JPH2: variants seen among roughly 807,000 people sequenced by gnomAD.
JPH2 encodes junctophilin-2.
JPH2 carries 38 observed loss-of-function variants against 55.9 expected under a neutral mutation model. That is an observed-to-expected ratio of 0.68 (90% CI 0.52 to 0.89). The LOEUF (loss-of-function observed/expected upper bound fraction) is 0.89. Ranked by LOEUF, JPH2 falls within the 40% of genes least tolerant of loss-of-function variation. JPH2 has a pLI of 0.00. For synonymous variants in JPH2, 480 were observed against 472.4 expected (o/e 1.02, Z -0.21); for missense variants, 964 against 1,037.6 (o/e 0.93, Z 0.97).
intron 1 of JPH2, among the ~76,000 whole-genome samples, chr20:44,162,452 T>C (rs2072617786): frequency 6.6e-6 from 1 of 152,104 alleles, no homozygotes; most frequent in East Asian, 1.9e-4. Context: ...CCAAAGGAGA[T>C]TAACATTTGA....
At chr20:44,131,197 T>C (rs2072316125) in intron 2 of JPH2, among the ~76,000 whole-genome samples, 1 of 152,232 alleles carries the variant, frequency 6.6e-6, no homozygotes, top group African/African-American at 2.4e-5. Flanking sequence ...GTGACTTCTC[T>C]CTTGCCACCA....
intron 2 of JPH2, among the ~76,000 whole-genome samples, chr20:44,134,467 T>A (rs867595191): frequency 2.6e-3 from 5 of 1,902 alleles, no homozygotes; most frequent in East Asian, 0.056. Context: ...TATAAATATA[T>A]ATAAATATAT....
rs372615254 is a variant in JPH2 at position 44,136,604 on chromosome 20, C to T, written c.1170-17981G>A. On this transcript the variant is annotated intron_variant, in intron 2 of 5. Coordinates refer to ENST00000372980, the MANE Select transcript of JPH2 (RefSeq NM_020433.5). ...TTGCAGGTGAGAAGATTATATAACC[C>T]GTCAAATCCACACAGCCAGGGAAGA... Among the ~76,000 whole-genome samples, 59 of 152,180 alleles carry T rather than the reference C, an allele frequency of 3.9e-4. No individual in the cohort carries two copies. The South Asian group carries it at 0.012, about 31-fold the overall frequency.
At chr20:44,118,470 C>G (rs2072209803) in intron 3 of JPH2, 35 bp downstream of exon 3, 1 of 1,509,934 alleles carries the variant, frequency 6.6e-7, no homozygotes, top group Non-Finnish European at 9.2e-7. Context: ...CTAGGGATAG[C>G]CCTACCCTGC....
Position 44,160,326 on chromosome 20 carries a change from A to G in JPH2, c.461T>C (p.Val154Ala). 1.3e-6 allele frequency: 2 copies of G among 1,570,712 alleles called. No individual in the cohort carries two copies. Among genetic ancestry groups the G allele is most frequent in the South Asian group, 2.3e-5 (2 of 85,688 alleles). Residue 154 changes from valine to alanine, a missense_variant, in exon 2 of 6, where the codon GTG (valine) becomes GCG (alanine). By Grantham distance (64) the Val-to-Ala change is moderately conservative. Transcript: ENST00000372980. The surrounding 1 kb of genome is among the most constrained non-coding windows in gnomAD (Gnocchi z 4.9). ...CGACGTGCGCAGCGGCGAGCGCACC[A>G]CCACGGCCATCCCGTAGGGCACGCT... is the stretch of plus-strand genomic sequence containing the variant. Reference protein sequence around the residue: ...RQSVPYGMAVVVRSPLRTSLS... With the variant: ...RQSVPYGMAVAVRSPLRTSLS...
chr20:44,148,186 A>G (rs1299587435), intron 2 of JPH2, among the ~76,000 whole-genome samples: 1 of 152,028 alleles, frequency 6.6e-6, no homozygotes, highest in African/African-American at 2.4e-5. Context: ...AACAACAACA[A>G]AAACAAACAA....
rs146663038 is a variant in JPH2, at chr20:44,122,388, A to G, written c.1170-3765T>C. Among the ~76,000 whole-genome samples, 821 of 152,354 alleles carry G rather than the reference A, an allele frequency of 5.4e-3. 4 individuals carry two copies. Among genetic ancestry groups the G allele is most frequent in the African/African-American group, 0.019 (793 of 41,576 alleles). On this transcript the variant is annotated intron_variant, in intron 2 of 5. Coordinates refer to ENST00000372980, the MANE Select transcript of JPH2 (RefSeq NM_020433.5). ...GACCGAGGCACTCGCCTCAGGGGCA[A>G]AATTTATGGGGTTGCCAAAAAACTC...
intron 2 of JPH2, among the ~76,000 whole-genome samples, chr20:44,150,377 A>T (rs1159861053): frequency 6.6e-6 from 1 of 152,252 alleles, no homozygotes; most frequent in Non-Finnish European, 1.5e-5. Context: ...CATCACTGAA[A>T]AAAGTTAAAG....
At chr20:44,169,765 G>A (rs1183043102) in intron 1 of JPH2, among the ~76,000 whole-genome samples, 1 of 152,172 alleles carries the variant, frequency 6.6e-6, no homozygotes. Context: ...GCAGTATTGA[G>A]AGGTGGGGCC....
chr20:44,173,134 A>C (rs1220714805), intron 1 of JPH2, among the ~76,000 whole-genome samples: 3 of 152,222 alleles, frequency 2.0e-5, no homozygotes, highest in African/African-American at 7.2e-5. Flanking sequence ...TCTTGAAACT[A>C]ACCCCCTCTT....
In JPH2 at chr20:44,116,417, G is replaced by A. The variant is rs563392758; in HGVS notation, c.1289-31C>T. ...AGGGCAACACAGGGAGGCTGGGCTC[G>A]AACCCCGCACCACTGTTGGGTGATC... On this transcript the variant is annotated intron_variant, in intron 3 of 5. Coordinates refer to ENST00000372980, the MANE Select transcript of JPH2 (RefSeq NM_020433.5). 4.0e-4 allele frequency: 623 copies of A among 1,544,116 alleles called. 7 individuals are homozygous for A. In the South Asian group the frequency reaches 6.6e-3, roughly 16 times the overall value.
At position 44,159,983 on chromosome 20, in the gene JPH2, C is replaced by A; in HGVS notation, c.804G>T (p.Glu268Asp). ...CGGCCTCGTCGGCGCCCTCGGCGGC[C>A]TCTCCCAGGCTGGCGGTGGACGCGG... is the stretch of plus-strand genomic sequence containing the variant. ...SDAASTASLG[E>D]AAEGADEAAP... The change falls in exon 2 of 6, where the codon GAG (glutamate) becomes GAT (aspartate). Residue 268 changes from glutamate (E) to aspartate (D), a missense_variant. Physicochemically the swap from Glu to Asp is conservative, Grantham distance 45. Transcript: ENST00000372980. This position sits in a 1 kb window ranked among gnomAD's most constrained non-coding sequence, Gnocchi z 5.7. The A allele has an allele frequency of 6.3e-7, 1 of 1,589,262 alleles. No homozygotes were observed. Among genetic ancestry groups the A allele is most frequent in the Non-Finnish European group, 8.5e-7 (1 of 1,172,612 alleles).
chr20:44,187,110 G>A lies in JPH2; in HGVS notation c.-405C>T, dbSNP rs931324433. 2 of 182,268 alleles carry A rather than the reference G, an allele frequency of 1.1e-5. No individual in the cohort carries two copies. The highest frequency in any genetic ancestry group is 1.1e-4 in the Admixed American group (2 of 17,774). 11.3% of individuals were successfully genotyped at this position (182,268 alleles called of 1,614,324 possible). A position where few individuals can be genotyped will look rare whatever the true frequency, so the allele number is the denominator to read the frequency against. On this transcript the variant is annotated 5_prime_UTR_variant, in exon 1 of 6. Transcript: ENST00000372980. Reference sequence around the variant, plus strand: ...TTTTCAAAGAGGGGAAATTCCCCTCGGTGGCAGCCCCCGCCGGAGGCTGAA... The same window carrying A: ...TTTTCAAAGAGGGGAAATTCCCCTCAGTGGCAGCCCCCGCCGGAGGCTGAA...
At position 44,116,351 on chromosome 20, in the gene JPH2, T is replaced by C. The variant is rs1415885472; in HGVS notation, c.1324A>G (p.Ile442Val). The C allele has an allele frequency of 1.3e-5, 20 of 1,547,252 alleles. No individual in the cohort carries two copies. Among genetic ancestry groups the C allele is most frequent in the Non-Finnish European group, 1.6e-5 (18 of 1,146,582 alleles). The change falls in exon 4 of 6, where the codon ATC (isoleucine) becomes GTC (valine). Residue 442 changes from isoleucine to valine, a missense_variant. Coordinates refer to ENST00000372980, the MANE Select transcript of JPH2 (RefSeq NM_020433.5). The stretch of plus-strand genomic sequence containing the variant: ...AGCAGGCTCTCCGAGTTCTCCAGGA[T>C]CTCCTGCAGCAGCCGGCGCTTCTGA... Reference protein sequence around the residue: ...EYQKRRLLQEILENSESLLEP... With the variant: ...EYQKRRLLQEVLENSESLLEP...
At chr20:44,153,558 G>C (rs527884711) in intron 2 of JPH2, among the ~76,000 whole-genome samples, 2 of 152,296 alleles carry the variant, frequency 1.3e-5, no homozygotes, top group East Asian at 3.9e-4. Flanking sequence ...GGGGGCTGAG[G>C]GGATAGAAGA....
rs552710692 is a variant in JPH2 at position 44,117,148 on chromosome 20, G to T, written c.1289-762C>A. ...ACAAAAATTAGCTGGGCATGGTGGC[G>T]CGTGCCTGTAATCCCAGCTACTCAG... On this transcript the variant is annotated intron_variant, in intron 3 of 5. Coordinates refer to ENST00000372980, the MANE Select transcript of JPH2 (RefSeq NM_020433.5). Among the ~76,000 whole-genome samples the T allele has an allele frequency of 2.0e-5, 3 of 152,074 alleles. No homozygotes were observed. The East Asian group carries it at 5.8e-4, about 29-fold the overall frequency.
At chr20:44,132,656 C>T (rs1299771433) in intron 2 of JPH2, among the ~76,000 whole-genome samples, 5 of 141,170 alleles carry the variant, frequency 3.5e-5, no homozygotes, top group Non-Finnish European at 7.8e-5. Context: ...CCCCACCGTC[C>T]CCCTCCACAC....
At chr20:44,134,909 TA>T in intron 2 of JPH2, among the ~76,000 whole-genome samples, 1 of 86,370 alleles carries the variant, frequency 1.2e-5, no homozygotes, top group East Asian at 2.5e-4. Flanking sequence ...TATATATATA[TA>T]TAAAATATAT....
rs1396474302 is a variant in JPH2, at chr20:44,134,736, T to G, written c.1170-16113A>C. Among the ~76,000 whole-genome samples, 2 of 84,692 alleles carry G rather than the reference T, an allele frequency of 2.4e-5. 1 individual carries two copies. Among genetic ancestry groups the G allele is most frequent in the Non-Finnish European group, 4.2e-5 (2 of 47,864 alleles). 55.6% of individuals were successfully genotyped at this position (84,692 alleles called of 152,430 possible). A position where few individuals can be genotyped will look rare whatever the true frequency, so the allele number is the denominator to read the frequency against. ...ATTATAAATATATATTTATTATAAATATATAAAGATATATTTATTATAAAT... is the reference window on the plus strand; with the variant it reads ...ATTATAAATATATATTTATTATAAAGATATAAAGATATATTTATTATAAAT... On this transcript the variant is annotated intron_variant, in intron 2 of 5. Transcript: ENST00000372980.
Sources: allele counts gnomAD v4.1 joint callset (sites outside exome capture counted in the v4.1 genomes callset), GRCh38; gene constraint gnomAD v4.1.1; non-coding constraint Gnocchi (gnomAD v3.1); transcripts MANE v1.5; gene names NCBI Gene and HGNC (gene_info 2026-07-23, HGNC 2026-07-21).